The following CHIA variants were observed in gnomAD, a reference collection of about 807,000 sequenced individuals.
CHIA encodes chitinase acidic, also known as acidic mammalian chitinase.
In CHIA, 47 loss-of-function variants were observed where a neutral mutation model predicts 53.5. The observed-to-expected ratio is 0.88, with a 90% CI of 0.70 to 1.12. CHIA has a LOEUF of 1.12. CHIA is among the 50% of genes most tolerant of loss of function. The pLI is 0.00. For synonymous variants in CHIA, 268 were observed against 222.2 expected (o/e 1.21, Z -1.83); for missense variants, 652 against 592.2 (o/e 1.10, Z -1.05).
intron 11 of CHIA, among the ~76,000 whole-genome samples, chr1:111,319,796 G>A (rs968844138): frequency 3.3e-5 from 5 of 152,176 alleles, no homozygotes; most frequent in African/African-American, 9.7e-5. Flanking sequence ...CAGCCCACCT[G>A]GGGAGATTTA....
intron 1 of CHIA, among the ~76,000 whole-genome samples, 198 bp from the exon 2 acceptor site, chr1:111,310,202 G>A (rs55737011): frequency 0.13 from 20,088 of 152,166 alleles, 1,544 homozygotes; most frequent in African/African-American, 0.19. Context: ...TATTAAACTG[G>A]TGTTTTCCAT....
intron 1 of CHIA, among the ~76,000 whole-genome samples, chr1:111,300,751 A>G (rs886627549): frequency 1.3e-5 from 2 of 152,212 alleles, no homozygotes; most frequent in Non-Finnish European, 2.9e-5. Flanking sequence ...TAAACTAAAG[A>G]GCTTCTGCAC....
rs1425576065 is a variant in CHIA at position 111,319,424 on chromosome 1, C to T, written c.1133C>T (p.Pro378Leu). 1.2e-6 allele frequency: 2 copies of T among 1,614,108 alleles called. No homozygotes were observed. The highest frequency in any genetic ancestry group is 1.7e-6 in the Non-Finnish European group (2 of 1,180,006). Residue 378 changes from proline to leucine, a missense_variant, in exon 11 of 12, where the codon CCC becomes CTC. Transcript: ENST00000369740. ...TGTFCNQGKFPLISTLKKALG... is the reference protein window; with the variant it reads ...TGTFCNQGKFLLISTLKKALG... The stretch of plus-strand genomic sequence containing the variant: ...ACTTTCTGCAACCAGGGCAAGTTTC[C>T]CCTAATCTCCACCCTGAAGAAGGCC...
chr1:111,310,247 A>G (rs1648552799), intron 1 of CHIA, 153 bp from the exon 2 acceptor site: 2 of 881,308 alleles, frequency 2.3e-6, no homozygotes, highest in Admixed American at 3.3e-5. Flanking sequence ...AGGAGCCATG[A>G]CATTGTTCTG....
chr1:111,294,094 C>T (rs1406519884), intron 1 of CHIA, among the ~76,000 whole-genome samples: 8 of 152,022 alleles, frequency 5.3e-5, no homozygotes, highest in Non-Finnish European at 1.0e-4. Flanking sequence ...AAAACAATGA[C>T]AACAAAGAAA....
In CHIA at chr1:111,314,550, C is replaced by T. The variant is rs143910053; in HGVS notation, c.268C>T (p.Leu90=). 1.2e-6 allele frequency: 2 copies of T among 1,611,098 alleles called. No individual in the cohort carries two copies. The highest frequency in any genetic ancestry group is 2.7e-5 in the African/African-American group (2 of 74,840). The change falls in exon 5 of 12, where the codon CTG becomes TTG. Residue 90 remains leucine, a synonymous_variant. Coordinates refer to ENST00000369740, the MANE Select transcript of CHIA (RefSeq NM_201653.4). Reference sequence around the variant, plus strand: ...TCCTTTGTTTTACAGGAACAGCCAGCTGAAAACTCTCCTGGCCATTGGAGG... The same window carrying T: ...TCCTTTGTTTTACAGGAACAGCCAGTTGAAAACTCTCCTGGCCATTGGAGG... ...FNGLKNKNSQ[L]KTLLAIGGWN... is the part of the protein sequence containing the mutation.
At position 111,314,401 on chromosome 1, in the gene CHIA, G is replaced by T. The variant is rs1248748805; in HGVS notation, c.258-139G>T. ...AACACAAAGAATTTTTATAAAGGAA[G>T]TTTTCAGTAGGGGAGGAAAATTGTT... On this transcript the variant is annotated intron_variant, in intron 4 of 11. Coordinates refer to ENST00000369740, the MANE Select transcript of CHIA (RefSeq NM_201653.4). 11 of 579,648 alleles carry T rather than the reference G, an allele frequency of 1.9e-5. No individual in the cohort carries two copies. In the Admixed American group the frequency reaches 2.3e-4, roughly 12 times the overall value. The allele number at this position is 579,648 out of a possible 1,614,324, so 35.9% of individuals were successfully genotyped here. A position where few individuals can be genotyped will look rare whatever the true frequency, so the allele number is the denominator to read the frequency against.
Position 111,319,197 on chromosome 1 carries a change from T to A in CHIA, c.993T>A (p.Asn331Lys), listed in dbSNP as rs144546962. The A allele has an allele frequency of 6.2e-7, 1 of 1,613,316 alleles. No individual in the cohort carries two copies. The highest frequency in any genetic ancestry group is 2.2e-5 in the East Asian group (1 of 44,882). The change falls in exon 10 of 12, where the codon AAT (asparagine) becomes AAA (lysine). Residue 331 changes from asparagine to lysine, a missense_variant. Coordinates refer to ENST00000369740, the MANE Select transcript of CHIA (RefSeq NM_201653.4). ...AAGTGCCTTATGCCTATCAGGGCAA[T>A]GTGTGGGTTGGCTATGACAACATCA... ...PQEVPYAYQG[N>K]VWVGYDNIKS...
intron 1 of CHIA, among the ~76,000 whole-genome samples, chr1:111,307,602 T>C (rs971711335): frequency 2.2e-4 from 33 of 152,188 alleles, no homozygotes; most frequent in Non-Finnish European, 4.6e-4. Context: ...TAATGTTATT[T>C]TTTAAGTTAG....
At chr1:111,311,869 C>A in intron 3 of CHIA, 151 bp downstream of exon 3, 1 of 811,328 alleles carries the variant, frequency 1.2e-6, no homozygotes, top group Non-Finnish European at 2.1e-6. Context: ...CTATCCTCTT[C>A]AGCATGACCA....
intron 9 of CHIA, 108 bp downstream of exon 9, chr1:111,318,786 T>A: frequency 2.4e-6 from 3 of 1,231,650 alleles, no homozygotes; most frequent in Non-Finnish European, 3.4e-6. Context: ...CTAAATGCTT[T>A]AAACACAGCT....
rs1472711598 is a variant in CHIA at position 111,290,862 on chromosome 1, G to A, written c.-157G>A. The A allele has an allele frequency of 2.3e-6, 1 of 431,346 alleles. No individual in the cohort carries two copies. The highest frequency in any genetic ancestry group is 4.7e-6 in the Non-Finnish European group (1 of 210,632). The allele number at this position is 431,346 out of a possible 1,614,324, so 26.7% of individuals were successfully genotyped here. ...GTCCCAGACGGTGCCAAAGCTTCAT[G>A]AAACCTCCTCGTCTGTGCACGAACA... is the stretch of plus-strand genomic sequence containing the variant. On this transcript the variant is annotated 5_prime_UTR_variant, in exon 1 of 12. An upstream start codon of the reference 5' UTR is lost. Coordinates refer to ENST00000369740, the MANE Select transcript of CHIA (RefSeq NM_201653.4).
chr1:111,311,739 T>C (rs761682616), intron 3 of CHIA, 21 bp downstream of exon 3: 29 of 1,610,568 alleles, frequency 1.8e-5, no homozygotes, highest in Non-Finnish European at 2.4e-5. Context: ...GACTCCATGT[T>C]TTATCATTGA....
chr1:111,311,575 C>A, intron 2 of CHIA, 114 bp from the exon 3 acceptor site: 1 of 1,199,396 alleles, frequency 8.3e-7, no homozygotes, highest in Non-Finnish European at 1.2e-6. Context: ...ACCACCAAAT[C>A]TCACTGAGGT....
chr1:111,320,258 C>G lies in CHIA; in HGVS notation c.1223C>G (p.Pro408Arg), dbSNP rs771358563. Residue 408 changes from proline to arginine, a missense_variant, in exon 12 of 12, where the codon CCC becomes CGC. By Grantham distance (103) the Pro-to-Arg change is moderately radical (BLOSUM62 -2). Coordinates refer to ENST00000369740, the MANE Select transcript of CHIA (RefSeq NM_201653.4). Reference sequence around the variant, plus strand: ...CCCATTGAGCCAATAACTGCTGCTCCCAGTGGCAGCGGGAACGGGAGCGGG... The same window carrying G: ...CCCATTGAGCCAATAACTGCTGCTCGCAGTGGCAGCGGGAACGGGAGCGGG... ...AQPIEPITAAPSGSGNGSGSS... is the reference protein window; with the variant it reads ...AQPIEPITAARSGSGNGSGSS... 1 of 1,614,146 alleles carries G rather than the reference C, an allele frequency of 6.2e-7. No homozygotes were observed. Among genetic ancestry groups the G allele is most frequent in the South Asian group, 1.1e-5 (1 of 91,082 alleles).
rs188870700 is a variant in CHIA at position 111,302,326 on chromosome 1, C to T, written c.-68-8074C>T. On this transcript the variant is annotated intron_variant, in intron 1 of 11. Transcript: ENST00000369740. ...GTTTAATTTGTGTTTCTTTTTCTAG[C>T]TCCTTAGGTGTAATTAGATTGTCAA... 4.0e-3 allele frequency among the ~76,000 whole-genome samples: 605 copies of T among 152,088 alleles called. 4 individuals carry two copies. The highest frequency in any genetic ancestry group is 0.014 in the African/African-American group (568 of 41,522).
rs143615484 is a variant in CHIA, at chr1:111,305,856, G to A, written c.-68-4544G>A. 7.8e-3 allele frequency among the ~76,000 whole-genome samples: 1,187 copies of A among 152,274 alleles called. 9 individuals carry two copies. The highest frequency in any genetic ancestry group is 0.013 in the South Asian group (64 of 4,824). On this transcript the variant is annotated intron_variant, in intron 1 of 11. Transcript: ENST00000369740. ...AGATGACATAGAAACCAAAAAATGC[G>A]TAGAAAAGTATTTAAGCTAATAATC...
Position 111,311,647 on chromosome 1 carries a change from C to T in CHIA, c.26-42C>T, listed in dbSNP as rs1434764487. ...CTTCAGAATTAGATTCTACGGGGTA[C>T]AGACAATCGGTTCAAAGTACATGCT... On this transcript the variant is annotated intron_variant, in intron 2 of 11. Transcript: ENST00000369740. The T allele has an allele frequency of 5.0e-6, 8 of 1,610,306 alleles. No homozygotes were observed. The East Asian group carries it at 6.7e-5, about 13-fold the overall frequency.
chr1:111,296,539 G>T (rs1030272309), intron 1 of CHIA, among the ~76,000 whole-genome samples: 2 of 152,166 alleles, frequency 1.3e-5, no homozygotes, highest in African/African-American at 4.8e-5. Flanking sequence ...TCAACAAAAA[G>T]GGAATCCACA....
Sources: gnomAD v4.1 joint callset for allele counts (sites outside exome capture counted in the v4.1 genomes callset) on GRCh38, gnomAD v4.1.1 for gene constraint, MANE v1.5 for transcripts, NCBI Gene and HGNC (gene_info 2026-07-23, HGNC 2026-07-21) for gene names.